Variants in ORC3 observed in about 807,000 individuals in gnomAD.
ORC3 encodes homolog of latheo, Drosophila.
Under a neutral mutation model 100.7 loss-of-function variants are expected in ORC3, and 78 were observed. The observed-to-expected ratio is 0.77, with a 90% confidence interval of 0.65 to 0.94. The LOEUF (loss-of-function observed/expected upper bound fraction) is 0.94, where lower values mean the gene tolerates loss of function less well. ORC3 is among the 40% of genes least tolerant of loss of function. The probability of loss-of-function intolerance (pLI) is 0.00; values close to 1 mark genes in which losing one functional copy is unlikely to be tolerated. For synonymous variants in ORC3, 295 were observed against 289.3 expected (o/e 1.02, Z -0.20); for missense variants, 789 against 823.9 (o/e 0.96, Z 0.52).
downstream of ORC3, among the ~76,000 whole-genome samples, chr6:87,672,086 G>C (rs1770845798): frequency 6.6e-6 from 1 of 152,056 alleles, no homozygotes; most frequent in South Asian, 2.1e-4. Flanking sequence ...GGGGGATGAG[G>C]GTAGCTATTT....
chr6:87,616,423 T>G lies in ORC3; in HGVS notation c.983T>G (p.Leu328Arg). The G allele has an allele frequency of 7.6e-7, 1 of 1,307,212 alleles. No individual in the cohort carries two copies. Among genetic ancestry groups the G allele is most frequent in the East Asian group, 2.3e-5 (1 of 43,240 alleles). The allele number at this position is 1,307,212 out of a possible 1,614,324, so 81.0% of individuals were successfully genotyped here. The change falls in exon 9 of 20, where the codon CTT becomes CGT. Residue 328 changes from leucine (L) to arginine (R), a missense_variant. Coordinates refer to ENST00000392844, the MANE Select transcript of ORC3 (RefSeq NM_012381.4). Reference sequence around the variant, plus strand: ...TCAGTTCAAAACTTTATAAAAGGACTTCAGGTAAGAACACAGTAATGGGTT... The same window carrying G: ...TCAGTTCAAAACTTTATAAAAGGACGTCAGGTAAGAACACAGTAATGGGTT... ...DFSVQNFIKG[L>R]QLSLLEHFYS...
intron 5 of ORC3, among the ~76,000 whole-genome samples, chr6:87,606,727 T>G (rs1020849150): frequency 1.3e-5 from 2 of 152,064 alleles, no homozygotes; most frequent in African/African-American, 4.8e-5. Flanking sequence ...TTGTTGTTGT[T>G]GTTGTTTGTA....
rs1048123235 is a variant in ORC3 at position 87,663,048 on chromosome 6, G to A, written c.1737G>A (p.Val579=). ...AGACACAGCCTCTCCATGAGGTGGT[G>A]TACTTCAGTGCTGCCCATGCCCTTC... ...PPETQPLHEV[V]YFSAAHALRE... The change falls in exon 17 of 20, where the codon GTG becomes GTA. Residue 579 remains valine (V), a synonymous_variant. Transcript: ENST00000392844. 1.7e-5 allele frequency: 27 copies of A among 1,612,848 alleles called. No homozygotes were observed. The highest frequency in any genetic ancestry group is 2.2e-5 in the Non-Finnish European group (26 of 1,179,002).
At chr6:87,594,908 A>G (rs28381468) in intron 2 of ORC3, among the ~76,000 whole-genome samples, 1,577 of 152,336 alleles carry the variant, frequency 0.01, 10 homozygotes, top group Middle Eastern at 0.037. Context: ...TCTAATGAAA[A>G]TTGTATAAAA....
chr6:87,637,066 G>A (rs1179538891), intron 13 of ORC3, among the ~76,000 whole-genome samples: 1 of 152,104 alleles, frequency 6.6e-6, no homozygotes, highest in East Asian at 1.9e-4. Flanking sequence ...CTTCTTATAT[G>A]TATAGTTACT....
chr6:87,670,816 A>G (rs930684028), downstream of ORC3, among the ~76,000 whole-genome samples: 2 of 152,166 alleles, frequency 1.3e-5, no homozygotes, highest in Non-Finnish European at 2.9e-5. Flanking sequence ...AAGTAAAACA[A>G]AGAAAGCAGC....
intron 13 of ORC3, among the ~76,000 whole-genome samples, chr6:87,638,665 C>T (rs2128280201): frequency 6.6e-6 from 1 of 152,206 alleles, no homozygotes; most frequent in South Asian, 2.1e-4. Flanking sequence ...ACTTGTGATA[C>T]CACAAATGGA....
In ORC3 at chr6:87,663,047, T is replaced by C. The variant is rs755887423; in HGVS notation, c.1736T>C (p.Val579Ala). The part of the protein sequence containing the change: ...PPETQPLHEV[V>A]YFSAAHALRE... ...GAGACACAGCCTCTCCATGAGGTGG[T>C]GTACTTCAGTGCTGCCCATGCCCTT... Residue 579 changes from valine (V) to alanine (A), a missense_variant, in exon 17 of 20, where the codon GTG becomes GCG. Transcript: ENST00000392844. 2 of 1,612,838 alleles carry C rather than the reference T, an allele frequency of 1.2e-6. No homozygotes were observed. Among genetic ancestry groups the C allele is most frequent in the Admixed American group, 1.7e-5 (1 of 59,998 alleles).
At chr6:87,612,593 ACT>A (rs1778860292) in intron 8 of ORC3, among the ~76,000 whole-genome samples, 1 of 151,968 alleles carries the variant, frequency 6.6e-6, no homozygotes, top group Non-Finnish European at 1.5e-5. Context: ...ATGTATTTTG[ACT>A]CTTACATTTT....
rs752647132 is a variant in ORC3 at position 87,621,342 on chromosome 6, CAT to C, written c.988-11_988-10del. 1.8e-5 allele frequency: 27 copies of C among 1,494,066 alleles called. No individual in the cohort carries two copies. Among genetic ancestry groups the C allele is most frequent in the African/African-American group, 1.3e-4 (9 of 69,026 alleles). The allele number at this position is 1,494,066 out of a possible 1,614,324, so 92.6% of individuals were successfully genotyped here. On this transcript the variant is annotated splice_polypyrimidine_tract_variant and intron_variant, in intron 9 of 19. Transcript: ENST00000392844. Reference sequence around the variant, plus strand: ...ATATAACAAATATGTTTAATCTTCACATGTCTTTCAGCTTTCTCTATTAGAGC... The same window carrying C: ...ATATAACAAATATGTTTAATCTTCACGTCTTTCAGCTTTCTCTATTAGAGC...
chr6:87,616,949 C>T (rs987387796), intron 9 of ORC3, among the ~76,000 whole-genome samples: 2 of 152,132 alleles, frequency 1.3e-5, no homozygotes, highest in Admixed American at 1.3e-4. Context: ...AGGTGCGTGC[C>T]ACCACGCCTG....
At chr6:87,615,070 A>G (rs1325958489) in intron 8 of ORC3, among the ~76,000 whole-genome samples, 1 of 152,230 alleles carries the variant, frequency 6.6e-6, no homozygotes, top group Non-Finnish European at 1.5e-5. Flanking sequence ...AAGAGGTTTA[A>G]TGGACTCAGT....
At chr6:87,644,534 G>C (rs62417720) in intron 13 of ORC3, among the ~76,000 whole-genome samples, 8,815 of 151,712 alleles carry the variant, frequency 0.058, 306 homozygotes, top group African/African-American at 0.099. Flanking sequence ...AACCCTGTCT[G>C]TACTAAAAAT....
chr6:87,651,439 T>C, intron 13 of ORC3: 2 of 351,434 alleles, frequency 5.7e-6, no homozygotes, highest in South Asian at 4.3e-5. Flanking sequence ...TGAGTTAACT[T>C]TCTTCTCATA....
At chr6:87,657,129 T>G in intron 15 of ORC3, 147 bp downstream of exon 15, 1 of 599,792 alleles carries the variant, frequency 1.7e-6, no homozygotes, top group South Asian at 1.8e-5. Flanking sequence ...ACTTCTAAGT[T>G]GAACATCCTG....
chr6:87,633,889 A>G (rs1767616095), intron 11 of ORC3, among the ~76,000 whole-genome samples: 2 of 152,172 alleles, frequency 1.3e-5, no homozygotes, highest in South Asian at 4.1e-4. Context: ...GGCTCTAGAA[A>G]ACCTCTCTCT....
chr6:87,644,189 T>C (rs1768546103), intron 13 of ORC3, among the ~76,000 whole-genome samples: 1 of 140,586 alleles, frequency 7.1e-6, no homozygotes, highest in African/African-American at 2.6e-5. Flanking sequence ...GCCTCCCGGG[T>C]TCACGCCATT....
chr6:87,654,146 T>G (rs1227835540), intron 14 of ORC3, among the ~76,000 whole-genome samples: 3 of 152,222 alleles, frequency 2.0e-5, no homozygotes, highest in African/African-American at 4.8e-5. Context: ...ATTTAAAATG[T>G]CTGTTTTAAT....
chr6:87,601,961 A>G, intron 3 of ORC3, 80 bp downstream of exon 3: 1 of 828,450 alleles, frequency 1.2e-6, no homozygotes. Flanking sequence ...CCACCAGTTT[A>G]CAAGAGTATT....
Sources: allele counts gnomAD v4.1 joint callset (sites outside exome capture counted in the v4.1 genomes callset), GRCh38; gene constraint gnomAD v4.1.1; transcripts MANE v1.5; gene names NCBI Gene and HGNC (gene_info 2026-07-23, HGNC 2026-07-21).